Variants in MAP3K9 observed in about 807,000 individuals in gnomAD.
MAP3K9 encodes mitogen-activated protein kinase kinase kinase 9.
A neutral mutation model predicts 95.8 loss-of-function variants in MAP3K9; 46 were observed. The ratio of observed to expected loss-of-function variants is 0.48; its 90% CI spans 0.38 to 0.61. MAP3K9 has a LOEUF of 0.61. Among genes scored for constraint, MAP3K9 ranks in the 20% least tolerant of loss-of-function variants. The probability of loss-of-function intolerance (pLI) is 0.00; values close to 1 mark genes in which losing one functional copy is unlikely to be tolerated. For synonymous variants in MAP3K9, 533 were observed against 593.8 expected, an observed-to-expected ratio of 0.90 and a Z score of 1.49; for missense variants, 1,296 against 1,474.3, an observed-to-expected ratio of 0.88 and a Z score of 1.98.
intron 3 of MAP3K9, among the ~76,000 whole-genome samples, chr14:70,757,388 G>C (rs2054311821): frequency 6.6e-6 from 1 of 150,930 alleles, no homozygotes. Flanking sequence ...CTGAGCCCAG[G>C]AGGTCAAGGC....
chr14:70,765,466 G>C (rs1295624397), intron 2 of MAP3K9: 2 of 694,282 alleles, frequency 2.9e-6, no homozygotes, highest in African/African-American at 1.8e-5. Flanking sequence ...AGTCCTGTAA[G>C]CTCCATTTCA....
At chr14:70,785,158 C>T (rs1278831722) in intron 2 of MAP3K9, among the ~76,000 whole-genome samples, 1 of 152,196 alleles carries the variant, frequency 6.6e-6, no homozygotes, top group Non-Finnish European at 1.5e-5. Flanking sequence ...ATTGTTAAAC[C>T]TCCCTGAGCC....
In MAP3K9 at chr14:70,730,698, G is replaced by A. The variant is rs745872223; in HGVS notation, c.2997C>T (p.Ala999=). ...LEFLPRPRPS[A]NRQRLDPWWF... The stretch of plus-strand genomic sequence containing the variant: ...ACCAAGGGTCCAGCCGTTGCCGGTT[G>A]GCAGAAGGACGCGGCCGAGGCAGAA... The change falls in exon 12 of 12, where the codon GCC becomes GCT. Residue 999 remains alanine, a synonymous_variant. Coordinates refer to ENST00000554752, the MANE Select transcript of MAP3K9 (RefSeq NM_001284230.2). The A allele has an allele frequency of 8.7e-6, 14 of 1,613,766 alleles. No homozygotes were observed. The Admixed American group carries it at 2.2e-4, about 25-fold the overall frequency.
chr14:70,793,264 A>T (rs538419802), intron 2 of MAP3K9, among the ~76,000 whole-genome samples: 1 of 152,318 alleles, frequency 6.6e-6, no homozygotes, highest in East Asian at 1.9e-4. Flanking sequence ...AGAGGGGAGG[A>T]GGCAGAGGCG....
intron 8 of MAP3K9, 75 bp downstream of exon 8, chr14:70,738,170 G>C: frequency 7.0e-7 from 1 of 1,430,352 alleles, no homozygotes; most frequent in Non-Finnish European, 9.4e-7. Context: ...GAGAAAAAAA[G>C]TTATTTCATA....
rs1231969761 is a variant in MAP3K9 at position 70,723,827 on chromosome 14, T to C, written c.*6553A>G. On this transcript the variant is annotated 3_prime_UTR_variant, in exon 12 of 12. Transcript: ENST00000554752. ...TTTCTTATCATGTATTATTCGTCTT[T>C]ATAACTAGGCCAGGATACATCTTTG... The C allele has an allele frequency of 4.6e-5, 7 of 152,204 alleles. No homozygotes were observed. The highest frequency in any genetic ancestry group is 8.8e-5 in the Non-Finnish European group (6 of 68,040). 9.4% of individuals were successfully genotyped at this position (152,204 alleles called of 1,614,324 possible).
chr14:70,730,632 G>A lies in MAP3K9; in HGVS notation c.3063C>T (p.Ala1021=), dbSNP rs776742706. The A allele has an allele frequency of 1.9e-6, 3 of 1,613,956 alleles. No individual in the cohort carries two copies. Among genetic ancestry groups the A allele is most frequent in the Non-Finnish European group, 2.5e-6 (3 of 1,180,050 alleles). Residue 1021 remains alanine, a synonymous_variant, in exon 12 of 12, where the codon GCC becomes GCT. Transcript: ENST00000554752. ...SPSHARSTSP[A]NSSSTETPSN... ...TGGGCGTCTCTGTGCTGGAGCTGTT[G>A]GCTGGGGAGGTGCTGCGGGCATGGC...
chr14:70,758,826 A>G (rs1382820880), intron 3 of MAP3K9, among the ~76,000 whole-genome samples: 3 of 152,020 alleles, frequency 2.0e-5, no homozygotes, highest in South Asian at 4.2e-4. Flanking sequence ...GCAATGGCAC[A>G]ATCCTGGCTC....
rs144001058 is a variant in MAP3K9 at position 70,783,000 on chromosome 14, G to A, written c.820+17667C>T. Among the ~76,000 whole-genome samples, 105 of 152,286 alleles carry A rather than the reference G, an allele frequency of 6.9e-4. No individual in the cohort carries two copies. The Middle Eastern group carries it at 0.017, about 25-fold the overall frequency. ...ACTGCTGGGAAAACGCTCAAATGCCGTGTTCTCTGCCTTCAGTGAATGCCC... is the reference window on the plus strand; with the variant it reads ...ACTGCTGGGAAAACGCTCAAATGCCATGTTCTCTGCCTTCAGTGAATGCCC... On this transcript the variant is annotated intron_variant, in intron 2 of 11. Coordinates refer to ENST00000554752, the MANE Select transcript of MAP3K9 (RefSeq NM_001284230.2).
intron 2 of MAP3K9, among the ~76,000 whole-genome samples, chr14:70,786,290 C>T (rs550049902): frequency 6.6e-6 from 1 of 152,144 alleles, no homozygotes; most frequent in African/African-American, 2.4e-5. Context: ...AACTCTCTAT[C>T]ACACAACTGT....
rs1341538027 is a variant in MAP3K9, at chr14:70,735,550, T to C, written c.1913+411A>G. 2.6e-5 allele frequency among the ~76,000 whole-genome samples: 4 copies of C among 152,190 alleles called. No homozygotes were observed. The East Asian group carries it at 7.7e-4, about 29-fold the overall frequency. ...CAACCACCACTGGTTTCAACCAAAA[T>C]ATAGTCAGAGATAAGCCTGCTGCCA... is the stretch of plus-strand genomic sequence containing the variant. On this transcript the variant is annotated intron_variant, in intron 9 of 11. Transcript: ENST00000554752.
chr14:70,787,671 C>T (rs1372615874), intron 2 of MAP3K9, among the ~76,000 whole-genome samples: 1 of 152,080 alleles, frequency 6.6e-6, no homozygotes, highest in South Asian at 2.1e-4. Flanking sequence ...ACAAGCTACT[C>T]CAAGGAACAC....
In MAP3K9 at chr14:70,792,723, C is replaced by T. The variant is rs371469253; in HGVS notation, c.820+7944G>A. On this transcript the variant is annotated intron_variant, in intron 2 of 11. Transcript: ENST00000554752. ...ACTAGAGACTGGGATCCAGTGGGTC[C>T]CAGGGTGCCACAGGTCTGGCAGCCA... Among the ~76,000 whole-genome samples the T allele has an allele frequency of 9.2e-5, 14 of 152,282 alleles. 1 individual carries two copies. The East Asian group carries it at 1.5e-3, about 17-fold the overall frequency.
chr14:70,798,471 G>GTTTTTTGT (rs2054889765), intron 2 of MAP3K9, among the ~76,000 whole-genome samples: 1 of 65,438 alleles, frequency 1.5e-5, no homozygotes, highest in Non-Finnish European at 2.7e-5. Context: ...GTCACCAAAA[G>GTTTTTTGT]TTTTTTTTTT....
chr14:70,734,056 G>A (rs1194765888), intron 10 of MAP3K9, among the ~76,000 whole-genome samples: 2 of 152,186 alleles, frequency 1.3e-5, no homozygotes, highest in Non-Finnish European at 2.9e-5. Context: ...TCTTCCCTGG[G>A]AGCCATACTA....
At chr14:70,765,761 CAA>C (rs11351891) in intron 2 of MAP3K9, among the ~76,000 whole-genome samples, 24 of 103,224 alleles carry the variant, frequency 2.3e-4, no homozygotes, top group South Asian at 1.1e-3. Flanking sequence ...CAAAAAAAAA[CAA>C]AAAAAAAAAA....
intron 10 of MAP3K9, chr14:70,733,711 G>A (rs2053945642): frequency 2.8e-6 from 2 of 718,034 alleles, no homozygotes; most frequent in African/African-American, 1.7e-5. Context: ...GCTGTTTCCA[G>A]GGGAGACTAA....
intron 2 of MAP3K9, among the ~76,000 whole-genome samples, chr14:70,781,834 G>T (rs10138993): frequency 6.6e-6 from 1 of 152,202 alleles, no homozygotes; most frequent in African/African-American, 2.4e-5. Context: ...ACCAGCCCAG[G>T]TTCTCTGGCC....
At chr14:70,755,395 C>T (rs2054285885) in intron 3 of MAP3K9, among the ~76,000 whole-genome samples, 1 of 152,228 alleles carries the variant, frequency 6.6e-6, no homozygotes, top group South Asian at 2.1e-4. Flanking sequence ...TGTCACTACA[C>T]ACATATCTAG....
Sources: allele counts gnomAD v4.1 joint callset (sites outside exome capture counted in the v4.1 genomes callset), GRCh38; gene constraint gnomAD v4.1.1; transcripts MANE v1.5; gene names NCBI Gene and HGNC (gene_info 2026-07-23, HGNC 2026-07-21).